SEMA3C: variants seen among roughly 807,000 people sequenced by gnomAD.
SEMA3C encodes semaphorin-3C.
SEMA3C carries 47 observed loss-of-function variants against 89.4 expected under a neutral mutation model. That is an observed-to-expected ratio of 0.53 (90% CI 0.42 to 0.67). SEMA3C has a LOEUF of 0.67. Ranked by LOEUF, SEMA3C falls within the 30% of genes least tolerant of loss-of-function variation. SEMA3C has a pLI of 0.00. For synonymous variants in SEMA3C, 310 were observed against 320.2 expected (o/e 0.97, Z 0.34); for missense variants, 839 against 929.1 (o/e 0.90, Z 1.26).
chr7:80,780,317 G>C lies in SEMA3C; in HGVS notation c.1354+8989C>G, dbSNP rs149960874. Among the ~76,000 whole-genome samples the C allele has an allele frequency of 3.6e-3, 543 of 152,230 alleles. 3 individuals are homozygous for C. Among genetic ancestry groups the C allele is most frequent in the African/African-American group, 0.012 (508 of 41,550 alleles). Reference sequence around the variant, plus strand: ...TATCATAAGTCCTGGAGTGCAATAAGCTCAATAAATTCTAATGACTGAATA... The same window carrying C: ...TATCATAAGTCCTGGAGTGCAATAACCTCAATAAATTCTAATGACTGAATA... On this transcript the variant is annotated intron_variant, in intron 12 of 17. Coordinates refer to ENST00000265361, the MANE Select transcript of SEMA3C (RefSeq NM_006379.5).
chr7:80,793,307 T>A (rs570349626), intron 11 of SEMA3C: 2 of 230,352 alleles, frequency 8.7e-6, no homozygotes, highest in Non-Finnish European at 1.7e-5. Flanking sequence ...TTCATAAATA[T>A]CTGCTGCCTT....
intron 2 of SEMA3C, among the ~76,000 whole-genome samples, chr7:80,845,297 CTTTCACTTTT>C (rs1790363477): frequency 7.3e-6 from 1 of 136,810 alleles, no homozygotes; most frequent in South Asian, 2.3e-4. Flanking sequence ...TCTGTGTCAT[CTTTCACTTTT>C]TTTGAAACGT....
intron 2 of SEMA3C, among the ~76,000 whole-genome samples, chr7:80,857,053 C>T (rs368963022): frequency 1.3e-5 from 2 of 152,242 alleles, no homozygotes; most frequent in African/African-American, 4.8e-5. Flanking sequence ...AATGGGAGGA[C>T]CAGTCACTAC....
chr7:80,798,011 A>C (rs28542315), intron 11 of SEMA3C, 81 bp downstream of exon 11: 42 of 1,436,416 alleles, frequency 2.9e-5, no homozygotes, highest in African/African-American at 1.5e-4. Flanking sequence ...AAAAAACCCC[A>C]AAAAACCCCA....
At chr7:80,875,033 G>A (rs1158236357) in intron 2 of SEMA3C, among the ~76,000 whole-genome samples, 2 of 151,306 alleles carry the variant, frequency 1.3e-5, no homozygotes, top group Non-Finnish European at 2.9e-5. Flanking sequence ...GCAGTGAGCA[G>A]AGATCACGCC....
intron 14 of SEMA3C, 114 bp from the exon 15 acceptor site, chr7:80,758,602 T>A (rs1032700496): frequency 2.8e-6 from 3 of 1,073,254 alleles, no homozygotes; most frequent in Non-Finnish European, 4.2e-6. Context: ...TGGAACCGAT[T>A]AAAAACATGA....
intron 11 of SEMA3C, among the ~76,000 whole-genome samples, chr7:80,795,655 T>C (rs578114806): frequency 6.6e-6 from 1 of 152,346 alleles, no homozygotes; most frequent in South Asian, 2.1e-4. Flanking sequence ...TATTCCTACA[T>C]TTTATGTAGA....
chr7:80,889,176 T>C (rs974799287), intron 2 of SEMA3C, among the ~76,000 whole-genome samples: 1 of 152,244 alleles, frequency 6.6e-6, no homozygotes, highest in African/African-American at 2.4e-5. Context: ...TTTTGAATTT[T>C]ATATTACAAA....
intron 2 of SEMA3C, among the ~76,000 whole-genome samples, chr7:80,839,654 G>T (rs923229944): frequency 1.3e-5 from 2 of 151,922 alleles, no homozygotes; most frequent in Admixed American, 1.3e-4. Flanking sequence ...AGACTTGTAG[G>T]GATATATTTT....
chr7:80,777,402 C>T (rs1279242281), intron 12 of SEMA3C, among the ~76,000 whole-genome samples: 1 of 152,136 alleles, frequency 6.6e-6, no homozygotes, highest in Non-Finnish European at 1.5e-5. Flanking sequence ...AGCGATTCTC[C>T]TGTGTCAGCC....
At chr7:80,779,530 C>T (rs1268477265) in intron 12 of SEMA3C, among the ~76,000 whole-genome samples, 1 of 152,062 alleles carries the variant, frequency 6.6e-6, no homozygotes, top group African/African-American at 2.4e-5. Context: ...ATTTCTAACC[C>T]CTGTCTTAAT....
intron 2 of SEMA3C, among the ~76,000 whole-genome samples, chr7:80,882,258 T>G (rs527635393): frequency 6.6e-6 from 1 of 152,178 alleles, no homozygotes; most frequent in Admixed American, 6.6e-5. Flanking sequence ...ATTAATAAAA[T>G]GAGATGTTAA....
chr7:80,816,018 A>G (rs1413493404), intron 5 of SEMA3C: 1 of 152,138 alleles, frequency 6.6e-6, no homozygotes, highest in South Asian at 2.1e-4. Context: ...TTTTCCAGGA[A>G]CAGAAGACAA....
intron 4 of SEMA3C, among the ~76,000 whole-genome samples, chr7:80,820,251 G>A (rs1468163180): frequency 1.3e-5 from 2 of 151,498 alleles, no homozygotes; most frequent in Non-Finnish European, 2.9e-5. Context: ...TAGTAGAGAC[G>A]GGGTTTCACT....
At chr7:80,844,169 T>G (rs1478741527) in intron 2 of SEMA3C, among the ~76,000 whole-genome samples, 1 of 152,150 alleles carries the variant, frequency 6.6e-6, no homozygotes, top group East Asian at 1.9e-4. Flanking sequence ...TTCATGAGTA[T>G]AGCTGCAGTC....
At chr7:80,899,452 C>T (rs1046484474) in intron 2 of SEMA3C, among the ~76,000 whole-genome samples, 7 of 152,074 alleles carry the variant, frequency 4.6e-5, no homozygotes, top group African/African-American at 1.7e-4. Context: ...ATGATATACA[C>T]CTTGTTTTAT....
rs1789279566 is a variant in SEMA3C at position 80,804,112 on chromosome 7, T to C, written c.795A>G (p.Ile265Met). Residue 265 changes from isoleucine (I) to methionine (M), a missense_variant, in exon 8 of 18, where the codon ATA becomes ATG. By Grantham distance (10) the Ile-to-Met change is conservative (BLOSUM62 1). Coordinates refer to ENST00000265361, the MANE Select transcript of SEMA3C (RefSeq NM_006379.5). ...GAACAGCATTAATACTTACAGGACA[T>C]ATTCGAGCAATCATGGAATGAATCT... ...TKQIHSMIAR[I>M]CPNDTGGLRS... 1 of 1,609,604 alleles carries C rather than the reference T, an allele frequency of 6.2e-7. No homozygotes were observed. The highest frequency in any genetic ancestry group is 1.3e-5 in the African/African-American group (1 of 74,728).
At chr7:80,905,935 AT>A in intron 2 of SEMA3C, 2 of 1,262,816 alleles carry the variant, frequency 1.6e-6, no homozygotes, top group Non-Finnish European at 2.1e-6. Context: ...GAGTCATGGA[AT>A]TGAATGTAAT....
rs192701455 is a variant in SEMA3C, at chr7:80,811,682, G to A, written c.448-981C>T. 8.3e-4 allele frequency among the ~76,000 whole-genome samples: 127 copies of A among 152,222 alleles called. 2 individuals carry two copies. Among genetic ancestry groups the A allele is most frequent in the South Asian group, 4.6e-3 (22 of 4,828 alleles). ...ATATTTTTGAGTGTGGAAATGGAAAGATCAAAACCTTGCCCTAGAAAGTTG... is the reference window on the plus strand; with the variant it reads ...ATATTTTTGAGTGTGGAAATGGAAAAATCAAAACCTTGCCCTAGAAAGTTG... On this transcript the variant is annotated intron_variant, in intron 5 of 17. Coordinates refer to ENST00000265361, the MANE Select transcript of SEMA3C (RefSeq NM_006379.5).
Sources: allele counts gnomAD v4.1 joint callset (sites outside exome capture counted in the v4.1 genomes callset), GRCh38; gene constraint gnomAD v4.1.1; transcripts MANE v1.5; gene names NCBI Gene and HGNC (gene_info 2026-07-23, HGNC 2026-07-21).